Variants in STK40 observed in about 807,000 individuals in gnomAD.
STK40 encodes the protein serine/threonine kinase 40.
A neutral mutation model predicts 47.9 loss-of-function variants in STK40; 13 were observed. That is an observed-to-expected ratio of 0.27 (90% confidence interval 0.18 to 0.43). STK40 has a LOEUF of 0.43. Among genes scored for constraint, STK40 ranks in the 20% least tolerant of loss-of-function variants. The pLI, the probability that STK40 is intolerant of heterozygous loss-of-function variation, is 1.00. For missense variants in STK40, 460 were observed against 595.1 expected (o/e 0.77, Z 2.36); for synonymous variants, 225 against 243.2 (o/e 0.93, Z 0.69).
At chr1:36,345,491 T>TC (rs1196406904) in intron 7 of STK40, among the ~76,000 whole-genome samples, 2 of 152,166 alleles carry the variant, frequency 1.3e-5, no homozygotes, top group Non-Finnish European at 2.9e-5. Context: ...GATGAGCTTC[T>TC]CCCAAGCTCT....
intron 6 of STK40, among the ~76,000 whole-genome samples, chr1:36,350,009 T>C (rs1163001109): frequency 1.3e-5 from 2 of 152,102 alleles, no homozygotes; most frequent in African/African-American, 4.8e-5. Flanking sequence ...TGCTGGCGGA[T>C]TTCCCCGGGA....
chr1:36,348,710 G>A lies in STK40; in HGVS notation c.729C>T (p.Asp243=), dbSNP rs528895480. Residue 243 remains aspartate, a synonymous_variant, in exon 7 of 11, where the codon GAC becomes GAT. Transcript: ENST00000373132. ...QRGSPAYISP[D]VLSGRPYRGK... ...GGCACACACACGTACCGCTGAGCAC[G>A]TCGGGACTGATGTAGGCAGGGCTCC... is the stretch of plus-strand genomic sequence containing the variant. 20 of 1,607,652 alleles carry A rather than the reference G, an allele frequency of 1.2e-5. No homozygotes were observed. The highest frequency in any genetic ancestry group is 6.7e-5 in the East Asian group (3 of 44,518).
chr1:36,364,637 CT>C (rs879325695), intron 1 of STK40, among the ~76,000 whole-genome samples: 18 of 146,926 alleles, frequency 1.2e-4, no homozygotes, highest in Admixed American at 1.4e-4. Context: ...GCTTTTTCAT[CT>C]TTTTTTTTTA....
chr1:36,367,977 G>T, intron 1 of STK40: 1 of 680,232 alleles, frequency 1.5e-6, no homozygotes, highest in Non-Finnish European at 1.8e-6. Context: ...CAGACCTGGT[G>T]CCTCCAGCTT....
Position 36,341,990 on chromosome 1 carries a change from G to A in STK40, c.1090-17C>T. Reference sequence around the variant, plus strand: ...CACCTTCGCCTTTGAGGCGGGGAGGGTGGGAAGGAGACAAAGATAAACCCA... The same window carrying A: ...CACCTTCGCCTTTGAGGCGGGGAGGATGGGAAGGAGACAAAGATAAACCCA... On this transcript the variant is annotated splice_polypyrimidine_tract_variant and intron_variant, in intron 10 of 10. Transcript: ENST00000373132. 2 of 1,601,398 alleles carry A rather than the reference G, an allele frequency of 1.2e-6. No homozygotes were observed. The highest frequency in any genetic ancestry group is 2.2e-5 in the South Asian group (2 of 89,980).
At chr1:36,373,264 T>G (rs1646965787) in intron 1 of STK40, among the ~76,000 whole-genome samples, 1 of 152,230 alleles carries the variant, frequency 6.6e-6, no homozygotes, top group Admixed American at 6.5e-5. Flanking sequence ...TGCTCCGTGC[T>G]GAGGCCGCTT....
In STK40 at chr1:36,355,242, G is replaced by C; in HGVS notation, c.534C>G (p.Phe178Leu). 1 of 1,614,142 alleles carries C rather than the reference G, an allele frequency of 6.2e-7. No individual in the cohort carries two copies. The highest frequency in any genetic ancestry group is 1.1e-5 in the South Asian group (1 of 91,082). ...RLSERETVVI[F>L]YDVVRVVEAL... ...CCTCCACCACGCGGACCACGTCGTA[G>C]AAGATTACCACAGTCTCCCTCTCGC... Residue 178 changes from phenylalanine (F) to leucine (L), a missense_variant, in exon 5 of 11, where the codon TTC becomes TTG. Phe to Leu is a conservative substitution (Grantham distance 22, BLOSUM62 0). Around this residue, in one of 3 missense-constraint regions of STK40, gnomAD observed 277 missense variants for 358.7 expected, o/e 0.77. Coordinates refer to ENST00000373132, the MANE Select transcript of STK40 (RefSeq NM_001282547.2).
At chr1:36,345,435 G>T (rs996394304) in intron 7 of STK40, among the ~76,000 whole-genome samples, 1 of 152,196 alleles carries the variant, frequency 6.6e-6, no homozygotes, top group Non-Finnish European at 1.5e-5. Flanking sequence ...GCTGTTGTGG[G>T]GAATAAGCAC....
chr1:36,353,206 C>T (rs1018527634), intron 6 of STK40, among the ~76,000 whole-genome samples: 22 of 152,104 alleles, frequency 1.4e-4, no homozygotes, highest in Non-Finnish European at 1.5e-5. Context: ...TGCTCAATGC[C>T]GAGTTGAGAG....
chr1:36,344,088 G>GCCCCCCCCCC, intron 8 of STK40, 32 bp downstream of exon 8: 1 of 1,575,854 alleles, frequency 6.3e-7, no homozygotes, highest in South Asian at 1.1e-5. Context: ...CAGGCTGGCT[G>GCCCCCCCCCC]CCCCCCCCAC....
chr1:36,354,265 G>T (rs772125436), intron 6 of STK40, 99 bp downstream of exon 6: 10 of 1,340,472 alleles, frequency 7.5e-6, no homozygotes, highest in Non-Finnish European at 1.1e-5. Flanking sequence ...GTTTTGAGTC[G>T]GAATCCTCAT....
intron 1 of STK40, among the ~76,000 whole-genome samples, chr1:36,361,746 G>C (rs549583191): frequency 6.6e-6 from 1 of 151,948 alleles, no homozygotes; most frequent in Non-Finnish European, 1.5e-5. Context: ...GTGAGCAACT[G>C]TTCCCAAAGT....
chr1:36,375,031 C>T (rs912449034), intron 1 of STK40, among the ~76,000 whole-genome samples: 2 of 152,144 alleles, frequency 1.3e-5, no homozygotes, highest in African/African-American at 2.4e-5. Flanking sequence ...AGCAAGCAAC[C>T]GCAGAACAAC....
chr1:36,344,886 C>T (rs933289064), intron 7 of STK40, among the ~76,000 whole-genome samples: 5 of 152,258 alleles, frequency 3.3e-5, no homozygotes, highest in African/African-American at 1.2e-4. Flanking sequence ...AGGCATCTAA[C>T]GGAGCACCCG....
At chr1:36,384,021 T>G (rs114085197) in intron 1 of STK40, among the ~76,000 whole-genome samples, 2,630 of 131,554 alleles carry the variant, frequency 0.02, 82 homozygotes, top group African/African-American at 0.069. Flanking sequence ...GCTATTAGCT[T>G]CTTCTTCTTC....
At chr1:36,344,516 C>T (rs1002513219) in intron 7 of STK40, among the ~76,000 whole-genome samples, 2 of 152,226 alleles carry the variant, frequency 1.3e-5, no homozygotes, top group African/African-American at 2.4e-5. Context: ...CCCCTGGGAG[C>T]CAGGCATGGG....
At chr1:36,378,904 C>T (rs1385369414) in intron 1 of STK40, among the ~76,000 whole-genome samples, 1 of 152,150 alleles carries the variant, frequency 6.6e-6, no homozygotes, top group East Asian at 1.9e-4. Flanking sequence ...GACTCTTGCT[C>T]CCCAGGGTTG....
At chr1:36,346,658 G>A (rs1003527955) in intron 7 of STK40, among the ~76,000 whole-genome samples, 6 of 152,254 alleles carry the variant, frequency 3.9e-5, no homozygotes, top group Non-Finnish European at 7.3e-5. Context: ...TGGTCTCCCA[G>A]TCGAGGATTC....
intron 7 of STK40, among the ~76,000 whole-genome samples, chr1:36,345,968 CAT>C (rs1553135169): frequency 8.7e-4 from 26 of 29,930 alleles, no homozygotes; most frequent in African/African-American, 2.2e-3. Flanking sequence ...AAGGGCATTA[CAT>C]ATATATATAT....
Sources: allele counts gnomAD v4.1 joint callset (sites outside exome capture counted in the v4.1 genomes callset), GRCh38; gene constraint gnomAD v4.1.1; regional missense constraint gnomAD v4.1.1; transcripts MANE v1.5; gene names NCBI Gene and HGNC (gene_info 2026-07-23, HGNC 2026-07-21).